The following STIL variants were observed in gnomAD, a reference collection of about 807,000 sequenced individuals.
STIL encodes the protein STIL centriolar assembly protein.
Under a neutral mutation model 110.1 loss-of-function variants are expected in STIL, and 55 were observed. The ratio of observed to expected loss-of-function variants is 0.50; its 90% CI spans 0.40 to 0.63. STIL has a LOEUF of 0.63. STIL is among the 20% of genes least tolerant of loss of function. STIL has a pLI of 0.00. For synonymous variants in STIL, 481 were observed against 530.0 expected (o/e 0.91, Z 1.27); for missense variants, 1,358 against 1,530.0 (o/e 0.89, Z 1.87).
chr1:47,282,910 T>C (rs1645191371), intron 10 of STIL: 3 of 155,598 alleles, frequency 1.9e-5, no homozygotes, highest in Non-Finnish European at 2.8e-5. Context: ...GATGGGAAAA[T>C]ACTTTGAAAA....
intron 6 of STIL, among the ~76,000 whole-genome samples, chr1:47,296,291 T>C (rs1645640012): frequency 6.6e-6 from 1 of 152,150 alleles, no homozygotes; most frequent in African/African-American, 2.4e-5. Context: ...GGAGACTGAA[T>C]TAGGAGAAGT....
At chr1:47,291,503 A>G (rs1266257296) in intron 8 of STIL, among the ~76,000 whole-genome samples, 4 of 152,072 alleles carry the variant, frequency 2.6e-5, no homozygotes, top group African/African-American at 9.7e-5. Context: ...TTTTCTCCAC[A>G]GTACTCATCG....
intron 16 of STIL, among the ~76,000 whole-genome samples, chr1:47,257,199 A>C (rs1296126846): frequency 6.6e-6 from 1 of 152,254 alleles, no homozygotes; most frequent in African/African-American, 2.4e-5. Flanking sequence ...ACTAAGTTTA[A>C]GTCAAACTGA....
intron 12 of STIL, among the ~76,000 whole-genome samples, chr1:47,276,014 T>A (rs1435539928): frequency 1.3e-5 from 2 of 151,192 alleles, no homozygotes; most frequent in African/African-American, 4.9e-5. Flanking sequence ...TTTTTTTTTT[T>A]CTTTTTGAGA....
chr1:47,289,019 G>A (rs868603852), intron 9 of STIL, among the ~76,000 whole-genome samples: 9 of 130,072 alleles, frequency 6.9e-5, no homozygotes, highest in Admixed American at 2.7e-4. Flanking sequence ...CCGAGATCAC[G>A]CCACTGCACT....
At chr1:47,284,277 A>T (rs1042232355) in intron 10 of STIL, among the ~76,000 whole-genome samples, 1 of 152,204 alleles carries the variant, frequency 6.6e-6, no homozygotes, top group Non-Finnish European at 1.5e-5. Flanking sequence ...GTACTTTAGG[A>T]GAGACAAACA....
rs75930208 is a variant in STIL at position 47,250,368 on chromosome 1, TAA to T, written c.*766_*767del. On this transcript the variant is annotated 3_prime_UTR_variant, in exon 17 of 17. Coordinates refer to ENST00000371877, the MANE Select transcript of STIL (RefSeq NM_001048166.1). The stretch of plus-strand genomic sequence containing the variant: ...AATTAAGGGGAAATACACTCTTGTA[TAA>T]AAGAGTGTAAGTTTTTATTAAGTTG... 0.43 allele frequency: 75,046 copies of T among 173,964 alleles called. 18,447 individuals are homozygous for T. The highest frequency in any genetic ancestry group is 0.55 in the South Asian group (2,750 of 5,016). 10.8% of individuals were successfully genotyped at this position (173,964 alleles called of 1,614,324 possible). A position where few individuals can be genotyped will look rare whatever the true frequency, so the allele number is the denominator to read the frequency against.
intron 3 of STIL, among the ~76,000 whole-genome samples, chr1:47,304,686 G>A (rs977054208): frequency 2.0e-5 from 3 of 152,134 alleles, no homozygotes; most frequent in African/African-American, 7.2e-5. Context: ...AGAATTTGCA[G>A]AAAACTGGGA....
At chr1:47,269,422 T>C (rs1292515498) in intron 14 of STIL, among the ~76,000 whole-genome samples, 1 of 152,194 alleles carries the variant, frequency 6.6e-6, no homozygotes, top group Admixed American at 6.5e-5. Context: ...ATACATTGTA[T>C]ATTTCAAAAT....
chr1:47,299,543 C>T (rs1044522192), intron 6 of STIL, among the ~76,000 whole-genome samples: 1 of 151,864 alleles, frequency 6.6e-6, no homozygotes, highest in Non-Finnish European at 1.5e-5. Flanking sequence ...CAGGCATGCA[C>T]CACCACGCTC....
At position 47,281,060 on chromosome 1, in the gene STIL, T is replaced by A. The variant is rs769152242; in HGVS notation, c.1398A>T (p.Gln466His). 6 of 1,613,974 alleles carry A rather than the reference T, an allele frequency of 3.7e-6. No homozygotes were observed. The African/African-American group carries it at 8.0e-5, about 22-fold the overall frequency. Residue 466 changes from glutamine (Q) to histidine (H), a missense_variant, in exon 12 of 17, where the codon CAA (glutamine) becomes CAT (histidine). Transcript: ENST00000371877. ...TGTGTTTCTCATCATAAAGCTGGGGTTGCAATGGCTTCAAGTGTTCCAAGT... is the reference window on the plus strand; with the variant it reads ...TGTGTTTCTCATCATAAAGCTGGGGATGCAATGGCTTCAAGTGTTCCAAGT... Reference protein sequence around the residue: ...INHLEHLKPLQPQLYDEKHSP... With the variant: ...INHLEHLKPLHPQLYDEKHSP...
chr1:47,304,983 T>G lies in STIL; in HGVS notation c.58A>C (p.Arg20=). 1 of 1,613,812 alleles carries G rather than the reference T, an allele frequency of 6.2e-7. No individual in the cohort carries two copies. Among genetic ancestry groups the G allele is most frequent in the Non-Finnish European group, 8.5e-7 (1 of 1,179,770 alleles). ...GGAGGAAAGTGGAAAGGTACCATCC[T>G]GCTTGAAGGAAACCTTTTGAAAAAA... ...PQMNTRFPSS[R]MVPFHFPPSK... The change falls in exon 3 of 17, where the codon AGG becomes CGG. Residue 20 remains arginine, a synonymous_variant. Coordinates refer to ENST00000371877, the MANE Select transcript of STIL (RefSeq NM_001048166.1).
chr1:47,261,106 A>C (rs1296977938), intron 15 of STIL, among the ~76,000 whole-genome samples: 1 of 151,370 alleles, frequency 6.6e-6, no homozygotes, highest in Non-Finnish European at 1.5e-5. Flanking sequence ...AACCAACATA[A>C]GCTGGGCGTG....
chr1:47,251,603 C>T lies in STIL; in HGVS notation c.3400G>A (p.Asp1134Asn), dbSNP rs1644185342. 6.2e-7 allele frequency: 1 copy of T among 1,613,856 alleles called. No individual in the cohort carries two copies. Among genetic ancestry groups the T allele is most frequent in the Non-Finnish European group, 8.5e-7 (1 of 1,179,926 alleles). Residue 1134 changes from aspartate to asparagine, a missense_variant, in exon 17 of 17, where the codon GAC becomes AAC. Physicochemically the swap from Asp to Asn is conservative, Grantham distance 23 (BLOSUM62 1). Transcript: ENST00000371877. ...GGTTCCTCTTCATCTTCACTATTGT[C>T]ACTGCTTTGTAGGAGTCCATATCTC... ...MKRYGLLQSS[D>N]NSEDEEEPPD...
chr1:47,279,277 C>T (rs1347335695), intron 12 of STIL, among the ~76,000 whole-genome samples: 1 of 117,762 alleles, frequency 8.5e-6, no homozygotes, highest in African/African-American at 3.5e-5. Flanking sequence ...AGAAATACTC[C>T]GTCTCAAAAA....
intron 12 of STIL, among the ~76,000 whole-genome samples, chr1:47,278,340 A>T (rs1404766915): frequency 1.3e-5 from 2 of 152,124 alleles, no homozygotes; most frequent in African/African-American, 2.4e-5. Flanking sequence ...GATACTTTTT[A>T]AAAAGTGGTA....
chr1:47,251,031 CAG>C lies in STIL; in HGVS notation c.*103_*104del, dbSNP rs1341387732. ...TTCCCAATTGGCTGCTACCAAGAAA[CAG>C]TGACTCCAGAATGATCAGGAGCCTT... On this transcript the variant is annotated 3_prime_UTR_variant, in exon 17 of 17. Coordinates refer to ENST00000371877, the MANE Select transcript of STIL (RefSeq NM_001048166.1). 1.8e-6 allele frequency: 2 copies of C among 1,141,354 alleles called. No individual in the cohort carries two copies. The highest frequency in any genetic ancestry group is 3.1e-5 in the African/African-American group (2 of 63,792). 70.7% of individuals were successfully genotyped at this position (1,141,354 alleles called of 1,614,324 possible).
intron 2 of STIL, among the ~76,000 whole-genome samples, chr1:47,306,027 G>A (rs973176425): frequency 2.0e-5 from 3 of 151,804 alleles, no homozygotes; most frequent in Admixed American, 2.0e-4. Flanking sequence ...CACCGCGCCC[G>A]GCCCAAAAAA....
intron 6 of STIL, 133 bp downstream of exon 6, chr1:47,299,772 A>C: frequency 1.0e-6 from 1 of 959,504 alleles, no homozygotes; most frequent in East Asian, 2.6e-5. Flanking sequence ...TTCATTTTTT[A>C]CTTTCCCTGG....
Sources: allele counts gnomAD v4.1 joint callset (sites outside exome capture counted in the v4.1 genomes callset), GRCh38; gene constraint gnomAD v4.1.1; transcripts MANE v1.5; gene names NCBI Gene and HGNC (gene_info 2026-07-23, HGNC 2026-07-21).